The following MEF2A variants were observed in gnomAD, a reference collection of about 807,000 sequenced individuals.
The protein encoded by MEF2A is myocyte-specific enhancer factor 2A.
Under a neutral mutation model 55.8 loss-of-function variants are expected in MEF2A, and 28 were observed. The ratio of observed to expected loss-of-function variants is 0.50; its 90% confidence interval spans 0.37 to 0.69. The LOEUF is 0.69. Among genes scored for constraint, MEF2A ranks in the 30% least tolerant of loss-of-function variants. The probability of loss-of-function intolerance (pLI) is 0.00; values close to 1 mark genes in which losing one functional copy is unlikely to be tolerated. For synonymous variants in MEF2A, 239 were observed against 227.1 expected, an observed-to-expected ratio of 1.05 and a Z score of -0.47; for missense variants, 528 against 626.2, an observed-to-expected ratio of 0.84 and a Z score of 1.67.
chr15:99,602,019 T>A (rs1973254216), intron 2 of MEF2A, among the ~76,000 whole-genome samples: 1 of 152,132 alleles, frequency 6.6e-6, no homozygotes, highest in South Asian at 2.1e-4. Context: ...TTACCAGCGG[T>A]GAATCTGCAT....
chr15:99,668,001 A>G (rs35485880), intron 4 of MEF2A, among the ~76,000 whole-genome samples: 8,007 of 152,192 alleles, frequency 0.053, 242 homozygotes, highest in African/African-American at 0.081. Flanking sequence ...TATTACTTAA[A>G]TCCTGCGTTT....
chr15:99,647,149 A>G (rs931806020), intron 4 of MEF2A, among the ~76,000 whole-genome samples: 1 of 152,178 alleles, frequency 6.6e-6, no homozygotes, highest in Admixed American at 6.5e-5. Flanking sequence ...TATTTATAAT[A>G]CTGTATAGTA....
At chr15:99,648,905 A>T (rs1480402511) in intron 4 of MEF2A, among the ~76,000 whole-genome samples, 1 of 152,202 alleles carries the variant, frequency 6.6e-6, no homozygotes, top group African/African-American at 2.4e-5. Flanking sequence ...GGAGTACTGT[A>T]AGATTAATAT....
chr15:99,601,971 C>G (rs993724528), intron 2 of MEF2A, among the ~76,000 whole-genome samples: 5 of 152,030 alleles, frequency 3.3e-5, no homozygotes, highest in Non-Finnish European at 2.9e-5. Context: ...ATGAAGACCT[C>G]TGGACCTGGA....
intron 1 of MEF2A, among the ~76,000 whole-genome samples, chr15:99,579,856 T>C (rs553035690): frequency 1.3e-5 from 2 of 152,330 alleles, no homozygotes; most frequent in South Asian, 4.1e-4. Flanking sequence ...TTTAAGGTCT[T>C]GTAGGACCTT....
chr15:99,611,485 C>T (rs148354311), intron 2 of MEF2A, among the ~76,000 whole-genome samples: 37 of 152,268 alleles, frequency 2.4e-4, no homozygotes, highest in African/African-American at 8.4e-4. Context: ...TACCACTTCA[C>T]ACCCACCATG....
At chr15:99,701,590 T>C (rs2057394511) in intron 8 of MEF2A, among the ~76,000 whole-genome samples, 1 of 152,256 alleles carries the variant, frequency 6.6e-6, no homozygotes, top group Non-Finnish European at 1.5e-5. Context: ...CTGTATTATT[T>C]TTATTAGTTT....
chr15:99,631,154 G>A (rs1241711700), intron 2 of MEF2A, among the ~76,000 whole-genome samples: 2 of 152,144 alleles, frequency 1.3e-5, no homozygotes, highest in Non-Finnish European at 2.9e-5. Flanking sequence ...GCCCAAATAT[G>A]TTCTGGAATT....
chr15:99,711,588 G>T (rs751783870), intron 11 of MEF2A, among the ~76,000 whole-genome samples: 1 of 152,184 alleles, frequency 6.6e-6, no homozygotes, highest in Admixed American at 6.5e-5. Context: ...TGGCTGCCTT[G>T]CCTGTGCTCT....
Position 99,569,175 on chromosome 15 carries a change from T to C in MEF2A, c.-225+3071T>C, listed in dbSNP as rs763266681. On this transcript the variant is annotated intron_variant, in intron 1 of 11. Coordinates refer to ENST00000557942, the MANE Select transcript of MEF2A (RefSeq NM_001319206.4). ...CTCCACTGCTGACAGAGTTGAGATA[T>C]CTCCTGTAAAATGAGATAGAATTAC... Among the ~76,000 whole-genome samples, 6 of 152,218 alleles carry C rather than the reference T, an allele frequency of 3.9e-5. No individual in the cohort carries two copies. The South Asian group carries it at 1.2e-3, about 32-fold the overall frequency.
Position 99,706,792 on chromosome 15 carries a change from A to G in MEF2A, c.946A>G (p.Thr316Ala). 1.2e-6 allele frequency: 2 copies of G among 1,614,032 alleles called. No individual in the cohort carries two copies. The highest frequency in any genetic ancestry group is 8.5e-7 in the Non-Finnish European group (1 of 1,179,876). Reference sequence around the variant, plus strand: ...TCTTGCTACCCCAGTCGTGTCTGTGACAACCCCAAGCTTGCCTCCGCAAGG... The same window carrying G: ...TCTTGCTACCCCAGTCGTGTCTGTGGCAACCCCAAGCTTGCCTCCGCAAGG... ...QPLATPVVSVTTPSLPPQGLV... is the reference protein window; with the variant it reads ...QPLATPVVSVATPSLPPQGLV... The change falls in exon 10 of 12, where the codon ACA becomes GCA. Residue 316 changes from threonine to alanine, a missense_variant. Physicochemically the swap from Thr to Ala is moderately conservative, Grantham distance 58. Around this residue, in one of 2 missense-constraint regions of MEF2A, gnomAD observed 450 missense variants for 475.3 expected, o/e 0.95. Coordinates refer to ENST00000557942, the MANE Select transcript of MEF2A (RefSeq NM_001319206.4).
chr15:99,681,128 C>T (rs1191137335), intron 7 of MEF2A, among the ~76,000 whole-genome samples: 4 of 152,098 alleles, frequency 2.6e-5, no homozygotes, highest in Non-Finnish European at 5.9e-5. Flanking sequence ...GTCAGATATC[C>T]AACAACTTCA....
chr15:99,579,519 C>G (rs1005683816), intron 1 of MEF2A, among the ~76,000 whole-genome samples: 13 of 152,076 alleles, frequency 8.5e-5, no homozygotes, highest in Non-Finnish European at 1.6e-4. Context: ...TTCAGCCTCC[C>G]AAGTAGCTGG....
intron 4 of MEF2A, among the ~76,000 whole-genome samples, chr15:99,651,175 G>A (rs2046792256): frequency 6.6e-6 from 1 of 152,196 alleles, no homozygotes; most frequent in Non-Finnish European, 1.5e-5. Context: ...ATAAGAGCTT[G>A]TGTGAGTGTG....
At position 99,606,589 on chromosome 15, in the gene MEF2A, A is replaced by G. The variant is rs541247906; in HGVS notation, c.-143+8078A>G. Among the ~76,000 whole-genome samples, 6 of 152,316 alleles carry G rather than the reference A, an allele frequency of 3.9e-5. No homozygotes were observed. The East Asian group carries it at 7.7e-4, about 20-fold the overall frequency. On this transcript the variant is annotated intron_variant, in intron 2 of 11. Coordinates refer to ENST00000557942, the MANE Select transcript of MEF2A (RefSeq NM_001319206.4). ...GCAAGAGACATGAAAAATACTTCAC[A>G]AAAGAAATTCAGATATTTAAGAAAC... is the stretch of plus-strand genomic sequence containing the variant.
At chr15:99,667,415 G>A (rs1382052851) in intron 4 of MEF2A, among the ~76,000 whole-genome samples, 1 of 151,928 alleles carries the variant, frequency 6.6e-6, no homozygotes. Context: ...TAGTAGAGAC[G>A]GGGTTTCACC....
At chr15:99,657,567 A>T (rs1333250390) in intron 4 of MEF2A, 1 of 152,138 alleles carries the variant, frequency 6.6e-6, no homozygotes, top group East Asian at 1.9e-4. Context: ...AAAAGTATTT[A>T]AAGTTCTAAC....
intron 1 of MEF2A, among the ~76,000 whole-genome samples, chr15:99,591,036 A>T (rs966901481): frequency 6.6e-6 from 1 of 152,072 alleles, no homozygotes; most frequent in Non-Finnish European, 1.5e-5. Context: ...TACTACCCCA[A>T]TCCCACCCTT....
At chr15:99,644,538 G>T (rs989869679) in intron 3 of MEF2A, among the ~76,000 whole-genome samples, 4 of 152,164 alleles carry the variant, frequency 2.6e-5, no homozygotes, top group Admixed American at 2.6e-4. Context: ...AATAGCTACT[G>T]CAATAACTGA....
Sources: gnomAD v4.1 joint callset for allele counts (sites outside exome capture counted in the v4.1 genomes callset) on GRCh38, gnomAD v4.1.1 for gene constraint, gnomAD v4.1.1 regional missense constraint, MANE v1.5 for transcripts, NCBI Gene and HGNC (gene_info 2026-07-23, HGNC 2026-07-21) for gene names.